The following PTPN14 variants were observed in gnomAD, a reference collection of about 807,000 sequenced individuals.
The protein encoded by PTPN14 is protein tyrosine phosphatase non-receptor type 14.
PTPN14 carries 53 observed loss-of-function variants against 126.8 expected under a neutral mutation model. The observed-to-expected ratio is 0.42, with a 90% CI of 0.34 to 0.53. PTPN14 has a LOEUF of 0.53. PTPN14 is among the 20% of genes least tolerant of loss of function. The probability of loss-of-function intolerance (pLI) is 0.08; values close to 1 mark genes in which losing one functional copy is unlikely to be tolerated. For missense variants in PTPN14, 1,257 were observed against 1,552.9 expected (o/e 0.81, Z 3.20); for synonymous variants, 630 against 599.3 (o/e 1.05, Z -0.75).
intron 1 of PTPN14, chr1:214,482,927 T>G: frequency 6.2e-7 from 1 of 1,602,938 alleles, no homozygotes; most frequent in Non-Finnish European, 8.5e-7. Flanking sequence ...GAGCTCCCAC[T>G]AAGCCACCCT....
intron 14 of PTPN14, among the ~76,000 whole-genome samples, chr1:214,376,998 A>G (rs1367066141): frequency 6.6e-6 from 1 of 152,238 alleles, no homozygotes; most frequent in Non-Finnish European, 1.5e-5. Flanking sequence ...TTACATTTAT[A>G]CAACCTGTTT....
chr1:214,522,509 C>G (rs568256084), intron 1 of PTPN14, among the ~76,000 whole-genome samples: 2 of 152,278 alleles, frequency 1.3e-5, no homozygotes, highest in Admixed American at 1.3e-4. Flanking sequence ...CATCCAAGCC[C>G]GCAGAACGTA....
intron 16 of PTPN14, among the ~76,000 whole-genome samples, chr1:214,371,615 C>T (rs761819275): frequency 6.6e-5 from 10 of 152,266 alleles, no homozygotes; most frequent in African/African-American, 7.2e-5. Flanking sequence ...TCTCGTTTAC[C>T]GTGTACTCCT....
intron 3 of PTPN14, among the ~76,000 whole-genome samples, chr1:214,448,506 A>G (rs1467651203): frequency 1.3e-5 from 2 of 151,848 alleles, no homozygotes. Flanking sequence ...GGTCTCCCAA[A>G]GTGCTGGGAT....
At chr1:214,543,790 T>G (rs1655901175) in intron 1 of PTPN14, among the ~76,000 whole-genome samples, 1 of 152,164 alleles carries the variant, frequency 6.6e-6, no homozygotes, top group Non-Finnish European at 1.5e-5. Context: ...AGCTAATTTT[T>G]GTACTTTTAG....
intron 3 of PTPN14, among the ~76,000 whole-genome samples, chr1:214,432,635 T>C (rs927723149): frequency 6.6e-5 from 10 of 152,164 alleles, no homozygotes; most frequent in African/African-American, 2.2e-4. Context: ...GCAATGAAAA[T>C]GAATGATCTC....
chr1:214,458,520 A>G (rs1429380217), intron 2 of PTPN14, among the ~76,000 whole-genome samples: 1 of 152,190 alleles, frequency 6.6e-6, no homozygotes, highest in Non-Finnish European at 1.5e-5. Context: ...TGTGGCAACT[A>G]TGAAAAACTA....
At chr1:214,386,783 T>A (rs974112343) in intron 12 of PTPN14, 61 bp downstream of exon 12, 19 of 1,445,218 alleles carry the variant, frequency 1.3e-5, no homozygotes, top group Non-Finnish European at 1.8e-5. Flanking sequence ...AAAGCCTTCT[T>A]TACTGCTTAC....
intron 1 of PTPN14, among the ~76,000 whole-genome samples, chr1:214,488,367 G>C (rs948096688): frequency 6.6e-6 from 1 of 152,158 alleles, no homozygotes; most frequent in Non-Finnish European, 1.5e-5. Context: ...GACAGACACA[G>C]CTGTGCTGCT....
At chr1:214,399,775 C>T (rs1658973443) in intron 7 of PTPN14, among the ~76,000 whole-genome samples, 1 of 152,156 alleles carries the variant, frequency 6.6e-6, no homozygotes, top group Non-Finnish European at 1.5e-5. Context: ...TCCTCTAATT[C>T]TTTTATCTCC....
chr1:214,493,252 G>T (rs909623373), intron 1 of PTPN14, among the ~76,000 whole-genome samples: 3 of 152,184 alleles, frequency 2.0e-5, no homozygotes, highest in African/African-American at 7.2e-5. Context: ...TGGGCGATGT[G>T]TTGGAAACAG....
chr1:214,469,814 G>A (rs141755952), intron 1 of PTPN14, among the ~76,000 whole-genome samples: 2,542 of 90,232 alleles, frequency 0.028, 95 homozygotes, highest in African/African-American at 0.11. Flanking sequence ...TAGTGGGGGC[G>A]CATGGGGAAA....
At chr1:214,463,301 T>A (rs1660554040) in intron 2 of PTPN14, among the ~76,000 whole-genome samples, 1 of 133,712 alleles carries the variant, frequency 7.5e-6, no homozygotes. Flanking sequence ...AATGTGTGTA[T>A]CCTAATGTGA....
intron 5 of PTPN14, 128 bp from the exon 6 acceptor site, chr1:214,403,081 C>T: frequency 2.4e-6 from 2 of 838,204 alleles, no homozygotes; most frequent in Non-Finnish European, 3.8e-6. Context: ...TCCTTTACTG[C>T]TGTAGAATTA....
At chr1:214,386,677 C>T (rs962781595) in intron 12 of PTPN14, among the ~76,000 whole-genome samples, 167 bp downstream of exon 12, 2 of 152,246 alleles carry the variant, frequency 1.3e-5, no homozygotes, top group African/African-American at 4.8e-5. Flanking sequence ...TCAGAGGTAA[C>T]TGACAGTCTA....
chr1:214,473,216 T>A (rs2102664930), intron 1 of PTPN14, among the ~76,000 whole-genome samples: 1 of 152,368 alleles, frequency 6.6e-6, no homozygotes, highest in East Asian at 1.9e-4. Flanking sequence ...AAAGGTCATT[T>A]GGCAGAGCAA....
At chr1:214,513,170 G>A (rs1260881450) in intron 1 of PTPN14, among the ~76,000 whole-genome samples, 1 of 152,160 alleles carries the variant, frequency 6.6e-6, no homozygotes, top group Non-Finnish European at 1.5e-5. Context: ...ATAGTTGGGG[G>A]AAGCAGTAGG....
At chr1:214,466,742 G>T (rs1444823714) in intron 1 of PTPN14, among the ~76,000 whole-genome samples, 1 of 152,032 alleles carries the variant, frequency 6.6e-6, no homozygotes, top group Non-Finnish European at 1.5e-5. Context: ...AGATCCACTA[G>T]GATTTACACT....
intron 11 of PTPN14, among the ~76,000 whole-genome samples, chr1:214,389,992 A>T (rs1190054376): frequency 6.6e-6 from 1 of 152,236 alleles, no homozygotes; most frequent in Non-Finnish European, 1.5e-5. Flanking sequence ...TAATGACTCA[A>T]CTCAAGAATT....
Sources: gnomAD v4.1 joint callset for allele counts (sites outside exome capture counted in the v4.1 genomes callset) on GRCh38, gnomAD v4.1.1 for gene constraint, MANE v1.5 for transcripts, NCBI Gene and HGNC (gene_info 2026-07-23, HGNC 2026-07-21) for gene names.